DDX10: variants seen among roughly 807,000 people sequenced by gnomAD.
DDX10 encodes the protein probable ATP-dependent RNA helicase DDX10.
Under a neutral mutation model 104.3 loss-of-function variants are expected in DDX10, and 74 were observed. The ratio of observed to expected loss-of-function variants is 0.71; its 90% confidence interval spans 0.59 to 0.86. The LOEUF is 0.86. Among genes scored for constraint, DDX10 ranks in the 40% least tolerant of loss-of-function variants. DDX10 has a pLI of 0.00. For synonymous variants in DDX10, 351 were observed against 353.4 expected (o/e 0.99, Z 0.08); for missense variants, 952 against 1,040.0 (o/e 0.92, Z 1.16).
intron 9 of DDX10, among the ~76,000 whole-genome samples, chr11:108,705,409 C>T (rs1309045108): frequency 6.6e-6 from 1 of 152,170 alleles, no homozygotes; most frequent in Non-Finnish European, 1.5e-5. Context: ...TATTCTATGA[C>T]ATGTTTTTGT....
chr11:108,864,922 G>T (rs563514327), intron 16 of DDX10, among the ~76,000 whole-genome samples: 3 of 152,296 alleles, frequency 2.0e-5, no homozygotes, highest in South Asian at 2.1e-4. Context: ...TTGTCTTTCA[G>T]TGTGCCTGAT....
chr11:108,889,932 C>A (rs1461612873), intron 16 of DDX10, among the ~76,000 whole-genome samples: 1 of 152,142 alleles, frequency 6.6e-6, no homozygotes, highest in Non-Finnish European at 1.5e-5. Flanking sequence ...AATACTTAAA[C>A]AGGTTAAGGA....
At chr11:108,823,246 G>A (rs1396548764) in intron 13 of DDX10, among the ~76,000 whole-genome samples, 1 of 152,082 alleles carries the variant, frequency 6.6e-6, no homozygotes, top group Non-Finnish European at 1.5e-5. Context: ...AGTACACATA[G>A]GCTAGCCTTT....
chr11:108,793,819 C>T (rs1456889040), intron 13 of DDX10, among the ~76,000 whole-genome samples: 1 of 152,076 alleles, frequency 6.6e-6, no homozygotes, highest in African/African-American at 2.4e-5. Flanking sequence ...TCCCTCTCTC[C>T]TCACAGACAC....
intron 10 of DDX10, among the ~76,000 whole-genome samples, chr11:108,714,538 T>C (rs1341349803): frequency 6.6e-6 from 1 of 152,220 alleles, no homozygotes; most frequent in African/African-American, 2.4e-5. Context: ...CTTTTTTTTT[T>C]TTTTTTAAAG....
At chr11:108,737,176 T>A (rs2094319410) in intron 13 of DDX10, among the ~76,000 whole-genome samples, 1 of 152,216 alleles carries the variant, frequency 6.6e-6, no homozygotes, top group Admixed American at 6.5e-5. Context: ...TAGTTCTTCC[T>A]CAACACATTA....
chr11:108,838,621 C>T (rs377418755), intron 14 of DDX10, 56 bp downstream of exon 14: 10 of 1,538,600 alleles, frequency 6.5e-6, no homozygotes, highest in East Asian at 4.6e-5. Context: ...TAGAAGAGAT[C>T]GACTCTCTCT....
intron 16 of DDX10, chr11:108,860,776 C>G (rs1437770148): frequency 1.3e-5 from 2 of 152,062 alleles, no homozygotes; most frequent in East Asian, 3.9e-4. Flanking sequence ...AAACTCCTGA[C>G]CTCAAGTGAT....
intron 16 of DDX10, among the ~76,000 whole-genome samples, chr11:108,891,465 G>T (rs1406081709): frequency 6.6e-6 from 1 of 152,094 alleles, no homozygotes; most frequent in Non-Finnish European, 1.5e-5. Context: ...ATTTATGAAT[G>T]AACAACACAT....
At position 108,679,572 on chromosome 11, in the gene DDX10, T is replaced by A. The variant is rs1315610370; in HGVS notation, c.848+12T>A. ...AAAGCAAAATATAGGTATGTACTCT[T>A]TGAGTCAATCAAGATAAATGTTTTT... On this transcript the variant is annotated intron_variant, in intron 6 of 17. Transcript: ENST00000322536. 6.5e-7 allele frequency: 1 copy of A among 1,541,114 alleles called. No individual in the cohort carries two copies. The highest frequency in any genetic ancestry group is 2.2e-5 in the Admixed American group (1 of 44,890).
intron 9 of DDX10, among the ~76,000 whole-genome samples, chr11:108,698,052 C>T (rs911478959): frequency 1.3e-5 from 2 of 152,128 alleles, no homozygotes; most frequent in Non-Finnish European, 2.9e-5. Flanking sequence ...GAATGTGATT[C>T]CACTAGGGGA....
chr11:108,698,497 T>C (rs962117317), intron 9 of DDX10, among the ~76,000 whole-genome samples: 3 of 152,198 alleles, frequency 2.0e-5, no homozygotes, highest in Non-Finnish European at 4.4e-5. Flanking sequence ...AGCAAATTTA[T>C]TTTGCATCTT....
chr11:108,850,726 A>G (rs1862779857), intron 15 of DDX10, among the ~76,000 whole-genome samples: 1 of 152,150 alleles, frequency 6.6e-6, no homozygotes, highest in South Asian at 2.1e-4. Flanking sequence ...CTATGTACGA[A>G]CCTACAAAGT....
chr11:108,688,272 T>C (rs990686961), intron 6 of DDX10, among the ~76,000 whole-genome samples: 1 of 152,210 alleles, frequency 6.6e-6, no homozygotes, highest in South Asian at 2.1e-4. Context: ...TATATTTTTC[T>C]CCAACATTTT....
intron 9 of DDX10, among the ~76,000 whole-genome samples, chr11:108,700,864 CT>C (rs970374538): frequency 2.2e-3 from 310 of 143,682 alleles, no homozygotes; most frequent in African/African-American, 3.3e-3. Flanking sequence ...TACAATTTAC[CT>C]TTTTTTTTTT....
At chr11:108,675,490 G>A (rs1402218513) in intron 2 of DDX10, 106 bp from the exon 3 acceptor site, 4 of 1,221,032 alleles carry the variant, frequency 3.3e-6, no homozygotes, top group Non-Finnish European at 4.6e-6. Flanking sequence ...GAGGTACGAG[G>A]CATTAGGGCT....
At chr11:108,673,265 A>C (rs1172161906) in intron 1 of DDX10, among the ~76,000 whole-genome samples, 1 of 152,128 alleles carries the variant, frequency 6.6e-6, no homozygotes, top group Non-Finnish European at 1.5e-5. Context: ...ACCAATTGAA[A>C]TGCTTACAAA....
At chr11:108,929,150 A>G (rs1299694546) in intron 17 of DDX10, among the ~76,000 whole-genome samples, 1 of 152,214 alleles carries the variant, frequency 6.6e-6, no homozygotes, top group Non-Finnish European at 1.5e-5. Context: ...ACTGGCAGAG[A>G]GCAATAAAGA....
intron 9 of DDX10, among the ~76,000 whole-genome samples, chr11:108,703,937 G>A (rs1040992897): frequency 2.0e-5 from 3 of 152,060 alleles, no homozygotes; most frequent in African/African-American, 4.8e-5. Flanking sequence ...CTTGCCTTAT[G>A]GATTTGACTT....
Sources: gnomAD v4.1 joint callset for allele counts (sites outside exome capture counted in the v4.1 genomes callset) on GRCh38, gnomAD v4.1.1 for gene constraint, MANE v1.5 for transcripts, NCBI Gene and HGNC (gene_info 2026-07-23, HGNC 2026-07-21) for gene names.